UNC80: variants seen among roughly 807,000 people sequenced by gnomAD.
UNC80 encodes unc-80 subunit of NALCN channel complex.
A neutral mutation model predicts 384.6 loss-of-function variants in UNC80; 164 were observed. The observed-to-expected ratio is 0.43, with a 90% CI of 0.38 to 0.49. The LOEUF (loss-of-function observed/expected upper bound fraction) is 0.49, where lower values mean the gene tolerates loss of function less well. Among genes scored for constraint, UNC80 ranks in the 20% least tolerant of loss-of-function variants. UNC80 has a pLI of 0.00. For synonymous variants in UNC80, 1,486 were observed against 1,527.8 expected (o/e 0.97, Z 0.64); for missense variants, 3,330 against 4,143.0 (o/e 0.80, Z 5.39).
chr2:209,834,867 G>A (rs1344317377), intron 17 of UNC80, 45 bp from the exon 18 acceptor site: 1 of 1,465,844 alleles, frequency 6.8e-7, no homozygotes. Context: ...ATTAAGACTT[G>A]CTATCCTGCT....
intron 22 of UNC80, among the ~76,000 whole-genome samples, chr2:209,859,939 G>C (rs555752332): frequency 1.3e-5 from 2 of 152,124 alleles, no homozygotes; most frequent in African/African-American, 4.8e-5. Flanking sequence ...TTGTCAAATG[G>C]GTAGATTGCA....
intron 2 of UNC80, 118 bp from the exon 3 acceptor site, chr2:209,775,771 C>A: frequency 9.9e-7 from 1 of 1,005,802 alleles, no homozygotes. Flanking sequence ...TAATTTGCAT[C>A]TTTTAAGGGG....
chr2:209,783,506 A>G (rs542551855), intron 4 of UNC80, among the ~76,000 whole-genome samples: 16 of 152,288 alleles, frequency 1.1e-4, no homozygotes, highest in African/African-American at 3.6e-4. Context: ...ATTAATGAAC[A>G]TATTAGTTTG....
chr2:209,793,823 C>T lies in UNC80; in HGVS notation c.902C>T (p.Ser301Phe), dbSNP rs564175384. ...RGNSFDGSLS[S>F]QTSQERGPSH... ...AACTCCTTTGATGGAAGTCTGTCCT[C>T]CCAAACTTCCCAGGAAAGAGGCCCA... The change falls in exon 7 of 65, where the codon TCC becomes TTC. Residue 301 changes from serine (S) to phenylalanine (F), a missense_variant. Physicochemically the swap from Ser to Phe is radical, Grantham distance 155 (BLOSUM62 -2). Coordinates refer to ENST00000673920, the MANE Select transcript of UNC80 (RefSeq NM_001371986.1). 1.4e-4 allele frequency: 221 copies of T among 1,614,140 alleles called. 1 individual carries two copies. In the South Asian group the frequency reaches 2.1e-3, roughly 16 times the overall value.
chr2:209,989,942 G>A (rs1041856698), intron 61 of UNC80, among the ~76,000 whole-genome samples: 5 of 152,118 alleles, frequency 3.3e-5, no homozygotes, highest in Admixed American at 1.3e-4. Flanking sequence ...TTTTTAGAGC[G>A]AGTATAATTT....
Position 209,793,832 on chromosome 2 carries a change from C to T in UNC80, c.911C>T (p.Ser304Phe), listed in dbSNP as rs868686380. The change falls in exon 7 of 65, where the codon TCC becomes TTC. Residue 304 changes from serine to phenylalanine, a missense_variant. By Grantham distance (155) the Ser-to-Phe change is radical (BLOSUM62 -2). This residue lies in a region of UNC80 where 937 missense variants were observed against 1,026.8 expected (regional missense o/e 0.91). Transcript: ENST00000673920. ...GATGGAAGTCTGTCCTCCCAAACTT[C>T]CCAGGAAAGAGGCCCATCACATTCC... Reference protein sequence around the residue: ...SFDGSLSSQTSQERGPSHSRA... With the variant: ...SFDGSLSSQTFQERGPSHSRA... 7.4e-6 allele frequency: 12 copies of T among 1,613,984 alleles called. No homozygotes were observed. Among genetic ancestry groups the T allele is most frequent in the Admixed American group, 1.7e-5 (1 of 60,002 alleles).
intron 28 of UNC80, among the ~76,000 whole-genome samples, chr2:209,896,716 G>A (rs895556542): frequency 1.3e-5 from 2 of 152,104 alleles, no homozygotes; most frequent in African/African-American, 2.4e-5. Context: ...GTGACACAGC[G>A]TAGGTATCAC....
chr2:209,966,733 A>G (rs2092752137), intron 51 of UNC80, among the ~76,000 whole-genome samples: 2 of 152,232 alleles, frequency 1.3e-5, no homozygotes, highest in Admixed American at 6.5e-5. Context: ...CAGTTCCTGT[A>G]TGGAACCGAG....
chr2:209,905,941 T>C (rs1022878010), intron 29 of UNC80, among the ~76,000 whole-genome samples: 4 of 152,186 alleles, frequency 2.6e-5, no homozygotes, highest in Non-Finnish European at 4.4e-5. Flanking sequence ...TGACTGAATG[T>C]TGTGGCTGCC....
In UNC80 at chr2:209,973,173, A is replaced by G. The variant is rs2092926281; in HGVS notation, c.8490A>G (p.Leu2830=). 6.4e-7 allele frequency: 1 copy of G among 1,551,568 alleles called. No homozygotes were observed. The highest frequency in any genetic ancestry group is 8.7e-7 in the Non-Finnish European group (1 of 1,147,016). ...CATCCAGGAGCAAGAACTTCATGTT[A>G]GAGAGCTCCCCAGCCCACTGCTCCA... ...ISTSRSKNFM[L]ESSPAHCSTP... is the part of the protein sequence containing the mutation. Residue 2830 remains leucine (L), a synonymous_variant, in exon 56 of 65, where the codon TTA becomes TTG. Coordinates refer to ENST00000673920, the MANE Select transcript of UNC80 (RefSeq NM_001371986.1).
At chr2:209,905,100 A>G in intron 29 of UNC80, 135 bp downstream of exon 29, 1 of 869,554 alleles carries the variant, frequency 1.2e-6, no homozygotes, top group East Asian at 2.7e-5. Flanking sequence ...CATAAGCAGA[A>G]GAGATGTACA....
chr2:209,915,329 C>T (rs376753068), intron 31 of UNC80, among the ~76,000 whole-genome samples: 99 of 148,340 alleles, frequency 6.7e-4, no homozygotes, highest in African/African-American at 2.3e-3. Context: ...GGCATGAACC[C>T]GGGAGGCGGA....
At chr2:209,921,305 G>A (rs1160486703) in intron 33 of UNC80, among the ~76,000 whole-genome samples, 195 bp from the exon 34 acceptor site, 8 of 149,964 alleles carry the variant, frequency 5.3e-5, no homozygotes, top group Non-Finnish European at 7.4e-5. Context: ...CTGATTGAAT[G>A]AAAAAAAAAT....
At chr2:209,981,305 C>T (rs149440222) in intron 59 of UNC80, among the ~76,000 whole-genome samples, 1,663 of 152,300 alleles carry the variant, frequency 0.011, 24 homozygotes, top group African/African-American at 0.035. Flanking sequence ...TCGCTGGGCA[C>T]GGTGGCTCAT....
chr2:209,828,865 G>A (rs898096489), intron 14 of UNC80, among the ~76,000 whole-genome samples: 4 of 151,932 alleles, frequency 2.6e-5, no homozygotes, highest in Admixed American at 6.6e-5. Context: ...AAGCCTTTGA[G>A]GTTTTCTAAA....
At chr2:209,891,016 C>T (rs2086275871) in intron 26 of UNC80, among the ~76,000 whole-genome samples, 1 of 152,090 alleles carries the variant, frequency 6.6e-6, no homozygotes, top group African/African-American at 2.4e-5. Context: ...TGCACATTTG[C>T]TAGAAGAGTC....
chr2:209,955,229 C>T (rs889484683), intron 48 of UNC80, among the ~76,000 whole-genome samples: 2 of 152,076 alleles, frequency 1.3e-5, no homozygotes, highest in African/African-American at 4.8e-5. Context: ...CCAAAAGGCA[C>T]CAACTCCCCC....
chr2:209,981,243 A>G (rs1417971304), intron 59 of UNC80, among the ~76,000 whole-genome samples: 3 of 152,250 alleles, frequency 2.0e-5, no homozygotes, highest in Admixed American at 1.3e-4. Context: ...TGTCATAGAT[A>G]CTGTGCTAAA....
intron 22 of UNC80, among the ~76,000 whole-genome samples, chr2:209,863,924 C>T (rs976113707): frequency 2.6e-5 from 4 of 151,840 alleles, no homozygotes; most frequent in Admixed American, 6.6e-5. Context: ...CCTGACATTT[C>T]GGGTCTTCAG....
Sources: gnomAD v4.1 joint callset for allele counts (sites outside exome capture counted in the v4.1 genomes callset) on GRCh38, gnomAD v4.1.1 for gene constraint, gnomAD v4.1.1 regional missense constraint, MANE v1.5 for transcripts, NCBI Gene and HGNC (gene_info 2026-07-23, HGNC 2026-07-21) for gene names.